The following ADGRV1 variants were observed in gnomAD, a reference collection of about 807,000 sequenced individuals.
ADGRV1 encodes adhesion G protein-coupled receptor V1.
Under a neutral mutation model 596.2 loss-of-function variants are expected in ADGRV1, and 359 were observed. That is an observed-to-expected ratio of 0.60 (90% CI 0.55 to 0.66). The LOEUF is 0.66. Ranked by LOEUF, ADGRV1 falls within the 30% of genes least tolerant of loss-of-function variation. ADGRV1 has a pLI of 0.00. For synonymous variants in ADGRV1, 2,681 were observed against 2,679.2 expected, an observed-to-expected ratio of 1.00 and a Z score of -0.02; for missense variants, 7,274 against 7,575.6, an observed-to-expected ratio of 0.96 and a Z score of 1.48.
intron 85 of ADGRV1, among the ~76,000 whole-genome samples, chr5:91,057,702 G>A (rs1787012183): frequency 6.6e-6 from 1 of 152,060 alleles, no homozygotes; most frequent in Non-Finnish European, 1.5e-5. Flanking sequence ...TTTTTTGGAT[G>A]GGGAAAGGGC....
At chr5:90,789,322 C>T (rs1379725562) in intron 68 of ADGRV1, among the ~76,000 whole-genome samples, 2 of 152,186 alleles carry the variant, frequency 1.3e-5, no homozygotes, top group African/African-American at 4.8e-5. Context: ...TTAGTCCTCA[C>T]AGGGCCTGTT....
rs1762328512 is a variant in ADGRV1 at position 90,810,375 on chromosome 5, A to G, written c.15115A>G (p.Lys5039Glu). Residue 5039 changes from lysine to glutamate, a missense_variant, in exon 74 of 90, where the codon AAA (lysine) becomes GAA (glutamate). Around this residue, in one of 5 missense-constraint regions of ADGRV1, gnomAD observed 1,874 missense variants for 1,970.2 expected, o/e 0.95. Transcript: ENST00000405460. The part of the protein sequence containing the change: ...RLFGFHSDLI[K>E]VSYQTTAGSA... ...ATTTGGGTTCCACAGCGATCTTATTAAAGTTTCTTATCAGACCACTGCAGG... is the reference window on the plus strand; with the variant it reads ...ATTTGGGTTCCACAGCGATCTTATTGAAGTTTCTTATCAGACCACTGCAGG... 1.9e-6 allele frequency: 3 copies of G among 1,613,836 alleles called. No individual in the cohort carries two copies. Among genetic ancestry groups the G allele is most frequent in the African/African-American group, 1.3e-5 (1 of 75,050 alleles).
intron 1 of ADGRV1, among the ~76,000 whole-genome samples, chr5:90,573,317 G>A (rs1756784377): frequency 6.6e-6 from 1 of 152,080 alleles, no homozygotes; most frequent in Non-Finnish European, 1.5e-5. Flanking sequence ...GTCATGCATT[G>A]CTTAATGATG....
chr5:91,027,794 T>G (rs1784139565), intron 85 of ADGRV1, among the ~76,000 whole-genome samples: 1 of 152,154 alleles, frequency 6.6e-6, no homozygotes, highest in Non-Finnish European at 1.5e-5. Flanking sequence ...GAGCATTGCT[T>G]TTTCCTGTGT....
At position 90,635,200 on chromosome 5, in the gene ADGRV1, GGTTACTC is replaced by G. The variant is rs1766014424; in HGVS notation, c.1927_1933del (p.Val643GlnfsTer48). The G allele has an allele frequency of 3.7e-6, 6 of 1,612,802 alleles. No individual in the cohort carries two copies. Among genetic ancestry groups the G allele is most frequent in the Non-Finnish European group, 5.1e-6 (6 of 1,179,126 alleles). ...GGGAAATCTGCAATATTTCTTTACT[GGTTACTC>G]CAGCCATTGCAAATGGAGAAATTGG... On this transcript the variant is annotated frameshift_variant, in exon 10 of 90. Transcript: ENST00000405460. LOFTEE classifies it high-confidence loss of function.
At chr5:91,020,421 G>A (rs1427009266) in intron 85 of ADGRV1, among the ~76,000 whole-genome samples, 1 of 151,986 alleles carries the variant, frequency 6.6e-6, no homozygotes, top group Non-Finnish European at 1.5e-5. Flanking sequence ...GTACTTTCAC[G>A]TATATTATCT....
chr5:90,766,628 C>T (rs1244301343), intron 59 of ADGRV1, among the ~76,000 whole-genome samples: 3 of 152,174 alleles, frequency 2.0e-5, no homozygotes, highest in Non-Finnish European at 4.4e-5. Context: ...TGTGTCTCAG[C>T]CTCCCACAGT....
intron 86 of ADGRV1, among the ~76,000 whole-genome samples, chr5:91,076,563 C>G (rs1178836738): frequency 6.6e-6 from 1 of 151,928 alleles, no homozygotes; most frequent in African/African-American, 2.4e-5. Flanking sequence ...AATGGATACC[C>G]AAGCTAAAGA....
At chr5:91,152,394 T>C (rs923429579) in intron 88 of ADGRV1, among the ~76,000 whole-genome samples, 1 of 152,238 alleles carries the variant, frequency 6.6e-6, no homozygotes, top group African/African-American at 2.4e-5. Flanking sequence ...TTTAAAATCC[T>C]ATGTGGCATT....
chr5:90,771,528 T>C (rs887364416), intron 59 of ADGRV1, among the ~76,000 whole-genome samples: 3 of 152,200 alleles, frequency 2.0e-5, no homozygotes, highest in African/African-American at 7.2e-5. Context: ...AGAAACATTT[T>C]AATGAAATAG....
rs765063091 is a variant in ADGRV1, at chr5:90,776,513, C to T, written c.12464C>T (p.Pro4155Leu). The change falls in exon 61 of 90, where the codon CCG (proline) becomes CTG (leucine). Residue 4155 changes from proline to leucine, a missense_variant. Pro to Leu is a moderately conservative substitution (Grantham distance 98, BLOSUM62 -3). Coordinates refer to ENST00000405460, the MANE Select transcript of ADGRV1 (RefSeq NM_032119.4). ...KRASGEVGIA[P>L]SSRHILIGEP... The stretch of plus-strand genomic sequence containing the variant: ...GCATCAGGAGAAGTTGGGATAGCTC[C>T]GTCATCTAGGCACATCCTCATTGGG... 5.1e-5 allele frequency: 83 copies of T among 1,613,000 alleles called. No individual in the cohort carries two copies. The Middle Eastern group carries it at 8.2e-4, about 16-fold the overall frequency.
intron 59 of ADGRV1, among the ~76,000 whole-genome samples, chr5:90,764,252 T>C (rs1431855740): frequency 6.6e-6 from 1 of 152,174 alleles, no homozygotes; most frequent in Admixed American, 6.5e-5. Flanking sequence ...GTTACCAAAA[T>C]GGGCTCAGGG....
chr5:90,724,064 A>T (rs1038736726), intron 45 of ADGRV1, among the ~76,000 whole-genome samples: 6 of 152,124 alleles, frequency 3.9e-5, no homozygotes, highest in African/African-American at 1.4e-4. Context: ...GAAAAATTAG[A>T]TAGGCATAAT....
At chr5:91,120,572 A>G (rs535503734) in intron 87 of ADGRV1, among the ~76,000 whole-genome samples, 6 of 151,816 alleles carry the variant, frequency 4.0e-5, no homozygotes, top group Middle Eastern at 6.8e-3. Flanking sequence ...GAGCTTTTGG[A>G]CCCCTTTTCT....
chr5:91,089,761 A>G (rs1376234641), intron 86 of ADGRV1, among the ~76,000 whole-genome samples: 1 of 152,212 alleles, frequency 6.6e-6, no homozygotes, highest in Non-Finnish European at 1.5e-5. Context: ...ATTCATGGCC[A>G]AATACATAGT....
At chr5:90,705,660 A>G in intron 37 of ADGRV1, 81 bp downstream of exon 37, 1 of 1,115,438 alleles carries the variant, frequency 9.0e-7, no homozygotes, top group Non-Finnish European at 1.3e-6. Flanking sequence ...AGCCATTGCT[A>G]AAATAAATCG....
At chr5:90,643,083 G>C in intron 13 of ADGRV1, 42 bp downstream of exon 13, 1 of 1,474,356 alleles carries the variant, frequency 6.8e-7, no homozygotes, top group South Asian at 1.2e-5. Flanking sequence ...CTGTAAGATT[G>C]ATAGTATTTG....
chr5:90,857,102 G>A (rs548875732), intron 82 of ADGRV1, among the ~76,000 whole-genome samples: 2 of 151,926 alleles, frequency 1.3e-5, no homozygotes, highest in Non-Finnish European at 2.9e-5. Flanking sequence ...CAATTCAATA[G>A]CAAGATAATA....
rs566733560 is a variant in ADGRV1 at position 90,801,003 on chromosome 5, G to C, written c.14518-1736G>C. On this transcript the variant is annotated intron_variant, in intron 70 of 89. Coordinates refer to ENST00000405460, the MANE Select transcript of ADGRV1 (RefSeq NM_032119.4). ...GTTGATGGGTGCAGCAAACCACCAT[G>C]GCATATGTATACCTATGTAACAAAA... is the stretch of plus-strand genomic sequence containing the variant. 8.8e-4 allele frequency among the ~76,000 whole-genome samples: 134 copies of C among 152,112 alleles called. 1 individual carries two copies. Among genetic ancestry groups the C allele is most frequent in the Non-Finnish European group, 1.5e-3 (104 of 68,004 alleles).
Sources: allele counts gnomAD v4.1 joint callset (sites outside exome capture counted in the v4.1 genomes callset), GRCh38; gene constraint gnomAD v4.1.1; regional missense constraint gnomAD v4.1.1; transcripts MANE v1.5; gene names NCBI Gene and HGNC (gene_info 2026-07-23, HGNC 2026-07-21).